BBS9: variants seen among roughly 807,000 people sequenced by gnomAD.
The protein encoded by BBS9 is protein PTHB1.
BBS9 carries 89 observed loss-of-function variants against 117.7 expected under a neutral mutation model. That is an observed-to-expected ratio of 0.76 (90% confidence interval 0.64 to 0.90). The LOEUF is 0.90. Ranked by LOEUF, BBS9 falls within the 40% of genes least tolerant of loss-of-function variation. The pLI is 0.00. For missense variants in BBS9, 982 were observed against 1,042.2 expected, an observed-to-expected ratio of 0.94 and a Z score of 0.80; for synonymous variants, 379 against 370.9, an observed-to-expected ratio of 1.02 and a Z score of -0.25.
chr7:33,567,657 A>G (rs919259742), intron 21 of BBS9, among the ~76,000 whole-genome samples: 1 of 152,136 alleles, frequency 6.6e-6, no homozygotes, highest in Non-Finnish European at 1.5e-5. Flanking sequence ...TGACTTCTCA[A>G]TTTGAATTCT....
At chr7:33,429,920 G>A (rs1834189501) in intron 19 of BBS9, among the ~76,000 whole-genome samples, 1 of 152,144 alleles carries the variant, frequency 6.6e-6, no homozygotes, top group Non-Finnish European at 1.5e-5. Flanking sequence ...TTCTCTATGG[G>A]AAGGGAGAGT....
At chr7:33,169,796 G>A (rs1292168361) in intron 4 of BBS9, among the ~76,000 whole-genome samples, 1 of 151,240 alleles carries the variant, frequency 6.6e-6, no homozygotes, top group East Asian at 1.9e-4. Context: ...CTTTTGCTGT[G>A]CAGAAGCTCT....
At chr7:33,454,795 G>T (rs569667834) in intron 19 of BBS9, among the ~76,000 whole-genome samples, 1 of 152,160 alleles carries the variant, frequency 6.6e-6, no homozygotes, top group Non-Finnish European at 1.5e-5. Context: ...GGAATTCTGT[G>T]CTAAAAAGAA....
intron 20 of BBS9, among the ~76,000 whole-genome samples, chr7:33,511,999 G>A (rs1056011721): frequency 5.3e-5 from 8 of 152,308 alleles, no homozygotes; most frequent in Middle Eastern, 3.4e-3. Context: ...CTTTGTGACT[G>A]TTAAAGTATC....
intron 9 of BBS9, among the ~76,000 whole-genome samples, chr7:33,303,251 T>C (rs1806885109): frequency 6.6e-6 from 1 of 152,190 alleles, no homozygotes; most frequent in Non-Finnish European, 1.5e-5. Context: ...TGAATGCCCT[T>C]TATTTTTTTC....
intron 20 of BBS9, among the ~76,000 whole-genome samples, chr7:33,518,257 T>TTTTTTTTTTTTTTTG: frequency 7.0e-6 from 1 of 142,534 alleles, no homozygotes; most frequent in Non-Finnish European, 1.5e-5. Flanking sequence ...TTTTTTTTTT[T>TTTTTTTTTTTTTTTG]TTTTTTTTTT....
intron 5 of BBS9, among the ~76,000 whole-genome samples, chr7:33,187,901 G>C (rs572423514): frequency 3.3e-5 from 5 of 151,974 alleles, no homozygotes; most frequent in Admixed American, 6.6e-5. Context: ...CAGCCTGGGC[G>C]ACAGAGCGAG....
intron 5 of BBS9, among the ~76,000 whole-genome samples, chr7:33,231,675 T>A (rs1182734040): frequency 6.6e-6 from 1 of 152,114 alleles, no homozygotes; most frequent in Non-Finnish European, 1.5e-5. Flanking sequence ...AAGTAGGTAA[T>A]TTAGATGCTT....
At chr7:33,148,365 G>A (rs1252797321) in intron 2 of BBS9, among the ~76,000 whole-genome samples, 1 of 152,098 alleles carries the variant, frequency 6.6e-6, no homozygotes, top group Non-Finnish European at 1.5e-5. Context: ...ATTCTGAAAA[G>A]AGCAGGCAGA....
At chr7:33,471,734 A>G (rs2128955730) in intron 19 of BBS9, among the ~76,000 whole-genome samples, 1 of 152,344 alleles carries the variant, frequency 6.6e-6, no homozygotes, top group Admixed American at 6.5e-5. Context: ...GCAGCTGGGC[A>G]ACAGAGGGTT....
At chr7:33,178,134 G>T (rs377151472) in intron 5 of BBS9, among the ~76,000 whole-genome samples, 2 of 152,188 alleles carry the variant, frequency 1.3e-5, no homozygotes, top group African/African-American at 4.8e-5. Context: ...CATATCTGGG[G>T]CTGCTGTACA....
At chr7:33,484,338 G>C (rs1367614980) in intron 19 of BBS9, among the ~76,000 whole-genome samples, 1 of 152,150 alleles carries the variant, frequency 6.6e-6, no homozygotes, top group African/African-American at 2.4e-5. Flanking sequence ...ATATATTTCT[G>C]TGTTGCCAGA....
chr7:33,387,788 A>AT (rs1826294849), intron 18 of BBS9, among the ~76,000 whole-genome samples: 2 of 152,148 alleles, frequency 1.3e-5, no homozygotes, highest in South Asian at 4.1e-4. Flanking sequence ...AACTTTTACA[A>AT]TTTTCCATTT....
At chr7:33,469,004 T>C (rs1196070666) in intron 19 of BBS9, among the ~76,000 whole-genome samples, 2 of 152,056 alleles carry the variant, frequency 1.3e-5, no homozygotes, top group Admixed American at 6.6e-5. Context: ...GATTCCTTTT[T>C]TTTTTTTTTG....
At chr7:33,342,219 A>G (rs998757194) in intron 11 of BBS9, among the ~76,000 whole-genome samples, 3 of 152,122 alleles carry the variant, frequency 2.0e-5, no homozygotes, top group African/African-American at 4.8e-5. Context: ...AAGTAGGACT[A>G]TATATGAAAG....
intron 19 of BBS9, among the ~76,000 whole-genome samples, chr7:33,472,593 G>T (rs1339702314): frequency 6.6e-6 from 1 of 152,178 alleles, no homozygotes. Context: ...TCCCTAGCAG[G>T]CCTGGCATTA....
intron 5 of BBS9, among the ~76,000 whole-genome samples, chr7:33,204,406 C>CA (rs569185367): frequency 0.1 from 13,451 of 134,040 alleles, 749 homozygotes; most frequent in South Asian, 0.14. Context: ...GACTCCATCT[C>CA]AAAAAAAAAA....
chr7:33,280,905 G>GTTTTTTTC (rs748350404), intron 9 of BBS9, among the ~76,000 whole-genome samples: 1 of 48,772 alleles, frequency 2.1e-5, no homozygotes, highest in Admixed American at 2.5e-4. Flanking sequence ...TTAATTTGTC[G>GTTTTTTTC]TTTTTGTTTT....
intron 21 of BBS9, among the ~76,000 whole-genome samples, chr7:33,570,849 T>G (rs1372839080): frequency 1.3e-5 from 2 of 152,154 alleles, no homozygotes; most frequent in Non-Finnish European, 2.9e-5. Context: ...GACAAACATT[T>G]CAGAAAATAA....
Sources: allele counts gnomAD v4.1 joint callset (sites outside exome capture counted in the v4.1 genomes callset), GRCh38; gene constraint gnomAD v4.1.1; transcripts MANE v1.5; gene names NCBI Gene and HGNC (gene_info 2026-07-23, HGNC 2026-07-21).